Variants in USP6NL observed in about 807,000 individuals in gnomAD.
The protein encoded by USP6NL is USP6 N-terminal-like protein.
A neutral mutation model predicts 61.9 loss-of-function variants in USP6NL; 26 were observed. The observed-to-expected ratio is 0.42, with a 90% CI of 0.31 to 0.58. The LOEUF is 0.58. Among genes scored for constraint, USP6NL ranks in the 20% least tolerant of loss-of-function variants. The pLI, the probability that USP6NL is intolerant of heterozygous loss-of-function variation, is 0.16. For synonymous variants in USP6NL, 432 were observed against 390.1 expected, an observed-to-expected ratio of 1.11 and a Z score of -1.27; for missense variants, 1,114 against 1,034.3, an observed-to-expected ratio of 1.08 and a Z score of -1.06.
intron 1 of USP6NL, among the ~76,000 whole-genome samples, chr10:11,608,724 CA>C (rs1336902733): frequency 2.0e-5 from 3 of 152,210 alleles, no homozygotes; most frequent in Non-Finnish European, 4.4e-5. Flanking sequence ...CTGGGGTACA[CA>C]GAAGGCACTC....
At chr10:11,472,120 A>G (rs1832777105) in intron 14 of USP6NL, among the ~76,000 whole-genome samples, 2 of 152,216 alleles carry the variant, frequency 1.3e-5, no homozygotes, top group South Asian at 4.1e-4. Flanking sequence ...CGGCAGTGCT[A>G]ACAATTAGAA....
chr10:11,587,188 T>C lies in USP6NL; in HGVS notation c.4+10443A>G. On this transcript the variant is annotated intron_variant, in intron 2 of 14. Coordinates refer to ENST00000609104, the MANE Select transcript of USP6NL (RefSeq NM_014688.5). This position sits in a 1 kb window ranked among gnomAD's most constrained non-coding sequence, Gnocchi z 4.5. ...AGTACATATGTAGGGGCTCATTAAG[T>C]ATCTGTTTATACTAAAATTAAAACA... 6.6e-6 allele frequency among the ~76,000 whole-genome samples: 1 copy of C among 152,222 alleles called. No individual in the cohort carries two copies. The highest frequency in any genetic ancestry group is 1.9e-4 in the East Asian group (1 of 5,202).
At chr10:11,605,117 C>T (rs1175505984) in intron 1 of USP6NL, among the ~76,000 whole-genome samples, 1 of 152,150 alleles carries the variant, frequency 6.6e-6, no homozygotes, top group Non-Finnish European at 1.5e-5. Context: ...AAATTACCAG[C>T]CACCATCCGA....
In USP6NL at chr10:11,599,038, A is replaced by G. The variant is rs144440372; in HGVS notation, c.-83-1321T>C. On this transcript the variant is annotated intron_variant, in intron 1 of 14. Coordinates refer to ENST00000609104, the MANE Select transcript of USP6NL (RefSeq NM_014688.5). ...CCAAAGGAAGTGAGAAGTTGTATGG[A>G]AAATCTAAAACATATAACCCACATG... Among the ~76,000 whole-genome samples, 78 of 152,364 alleles carry G rather than the reference A, an allele frequency of 5.1e-4. No homozygotes were observed. In the East Asian group the frequency reaches 0.014, roughly 27 times the overall value.
rs1833191231 is a variant in USP6NL at position 11,481,356 on chromosome 10, T to C, written c.1078+414A>G. On this transcript the variant is annotated intron_variant, in intron 14 of 14. Coordinates refer to ENST00000609104, the MANE Select transcript of USP6NL (RefSeq NM_014688.5). This position sits in a 1 kb window ranked among gnomAD's most constrained non-coding sequence, Gnocchi z 4.4. ...TTTAAGCCACTTAGGCACTAAAGTA[T>C]CAATTTCCTCATCTATAAGATGGGG... 6.6e-6 allele frequency among the ~76,000 whole-genome samples: 1 copy of C among 152,228 alleles called. No homozygotes were observed. The highest frequency in any genetic ancestry group is 1.5e-5 in the Non-Finnish European group (1 of 68,040).
chr10:11,594,381 A>T (rs1388905949), intron 2 of USP6NL, among the ~76,000 whole-genome samples: 1 of 152,232 alleles, frequency 6.6e-6, no homozygotes, highest in Non-Finnish European at 1.5e-5. Context: ...CAATCTTTTT[A>T]ACCGACATCT....
chr10:11,582,026 G>A (rs887536852), intron 2 of USP6NL, among the ~76,000 whole-genome samples: 2 of 152,030 alleles, frequency 1.3e-5, no homozygotes, highest in Admixed American at 6.5e-5. Context: ...GTGCTGTGGC[G>A]TGATCTCGGC....
Position 11,562,636 on chromosome 10 carries a change from CTA to C in USP6NL, c.4+34993_4+34994del. Reference sequence around the variant, plus strand: ...TGTAATTCTAACACTGAACAGTCCTCTAATTATTTGTGACACTCAACATTCAT... The same window carrying C: ...TGTAATTCTAACACTGAACAGTCCTCATTATTTGTGACACTCAACATTCAT... On this transcript the variant is annotated intron_variant, in intron 2 of 14. Coordinates refer to ENST00000609104, the MANE Select transcript of USP6NL (RefSeq NM_014688.5). The surrounding 1 kb of genome is among the most constrained non-coding windows in gnomAD (Gnocchi z 4.8). 1.0e-6 allele frequency: 1 copy of C among 985,402 alleles called. No homozygotes were observed. Among genetic ancestry groups the C allele is most frequent in the Non-Finnish European group, 1.2e-6 (1 of 829,930 alleles). The allele number at this position is 985,402 out of a possible 1,614,324, so 61.0% of individuals were successfully genotyped here. A position where few individuals can be genotyped will look rare whatever the true frequency, so the allele number is the denominator to read the frequency against.
chr10:11,581,468 C>A (rs1303036603), intron 2 of USP6NL, among the ~76,000 whole-genome samples: 5 of 152,182 alleles, frequency 3.3e-5, no homozygotes, highest in African/African-American at 1.2e-4. Context: ...ATGATTCAGA[C>A]TTTTTTTAAC....
rs1363851318 is a variant in USP6NL, at chr10:11,592,148, A to G, written c.4+5483T>C. The stretch of plus-strand genomic sequence containing the variant: ...CAGCCTCCCAAAGTATTGGCATTAC[A>G]GCCGTGAGCCACCACACTCGGCCTC... On this transcript the variant is annotated intron_variant, in intron 2 of 14. Coordinates refer to ENST00000609104, the MANE Select transcript of USP6NL (RefSeq NM_014688.5). The surrounding 1 kb of genome is among the most constrained non-coding windows in gnomAD (Gnocchi z 4.7). Among the ~76,000 whole-genome samples the G allele has an allele frequency of 6.6e-6, 1 of 152,232 alleles. No homozygotes were observed. Among genetic ancestry groups the G allele is most frequent in the African/African-American group, 2.4e-5 (1 of 41,456 alleles).
chr10:11,485,146 G>A lies in USP6NL; in HGVS notation c.825+23C>T. ...ACCTTGTATTTATAATTTTATGACT[G>A]AGTTTTGTAAATAAATACTTACACG... On this transcript the variant is annotated intron_variant, in intron 12 of 14. Coordinates refer to ENST00000609104, the MANE Select transcript of USP6NL (RefSeq NM_014688.5). The surrounding 1 kb of genome is among the most constrained non-coding windows in gnomAD (Gnocchi z 4.8). 1.3e-6 allele frequency: 2 copies of A among 1,537,954 alleles called. No individual in the cohort carries two copies. The highest frequency in any genetic ancestry group is 1.7e-6 in the Non-Finnish European group (2 of 1,143,014).
chr10:11,544,548 C>A (rs1836201914), intron 2 of USP6NL, among the ~76,000 whole-genome samples: 2 of 152,146 alleles, frequency 1.3e-5, no homozygotes, highest in Admixed American at 6.5e-5. Context: ...AGTGCAGTTG[C>A]ACGATCTCGG....
intron 8 of USP6NL, among the ~76,000 whole-genome samples, chr10:11,492,117 T>G (rs1833730381): frequency 6.6e-6 from 1 of 152,204 alleles, no homozygotes; most frequent in Non-Finnish European, 1.5e-5. Flanking sequence ...TCCCAAAGAC[T>G]TGGCATCCTC....
intron 5 of USP6NL, among the ~76,000 whole-genome samples, chr10:11,517,791 C>T (rs1468257992): frequency 1.3e-5 from 2 of 152,146 alleles, no homozygotes; most frequent in East Asian, 3.9e-4. Flanking sequence ...ACCTTCATTA[C>T]CTGAAATTCA....
intron 5 of USP6NL, among the ~76,000 whole-genome samples, chr10:11,517,809 G>A (rs1835020345): frequency 6.6e-6 from 1 of 152,098 alleles, no homozygotes; most frequent in African/African-American, 2.4e-5. Flanking sequence ...TCAGCCCCTT[G>A]TCCTCATCAA....
At chr10:11,480,831 A>G (rs1229217282) in intron 14 of USP6NL, among the ~76,000 whole-genome samples, 2 of 152,222 alleles carry the variant, frequency 1.3e-5, no homozygotes, top group Non-Finnish European at 2.9e-5. Flanking sequence ...TCTCTTGCCC[A>G]TGACCTTCCA....
intron 2 of USP6NL, among the ~76,000 whole-genome samples, chr10:11,571,435 G>A (rs1837357491): frequency 6.6e-6 from 1 of 152,010 alleles, no homozygotes; most frequent in South Asian, 2.1e-4. Context: ...GCATAAGTTT[G>A]TTTCTATCGC....
At position 11,596,051 on chromosome 10, in the gene USP6NL, T is replaced by C. The variant is rs1404353480; in HGVS notation, c.4+1580A>G. On this transcript the variant is annotated intron_variant, in intron 2 of 14. Coordinates refer to ENST00000609104, the MANE Select transcript of USP6NL (RefSeq NM_014688.5). This position sits in a 1 kb window ranked among gnomAD's most constrained non-coding sequence, Gnocchi z 4.1. ...GATCTTTGTTTTCTAGGGTAAGCAG[T>C]ATACAAGACACCATCAAACACCGAA... is the stretch of plus-strand genomic sequence containing the variant. 1.3e-5 allele frequency among the ~76,000 whole-genome samples: 2 copies of C among 152,150 alleles called. No individual in the cohort carries two copies. The highest frequency in any genetic ancestry group is 2.1e-4 in the South Asian group (1 of 4,828).
Position 11,474,961 on chromosome 10 carries a change from T to C in USP6NL, c.1078+6809A>G, listed in dbSNP as rs17150406. On this transcript the variant is annotated intron_variant, in intron 14 of 14. Coordinates refer to ENST00000609104, the MANE Select transcript of USP6NL (RefSeq NM_014688.5). The surrounding 1 kb of genome is among the most constrained non-coding windows in gnomAD (Gnocchi z 4.9). Reference sequence around the variant, plus strand: ...AAGCACTGAAGTACCCCGAAGGCTATGGCCATTTACCAAGACTAAAATGGC... The same window carrying C: ...AAGCACTGAAGTACCCCGAAGGCTACGGCCATTTACCAAGACTAAAATGGC... Among the ~76,000 whole-genome samples, 5,332 of 152,270 alleles carry C rather than the reference T, an allele frequency of 0.035. 260 individuals carry two copies. The highest frequency in any genetic ancestry group is 0.1 in the African/African-American group (4,348 of 41,528).
Sources: allele counts gnomAD v4.1 joint callset (sites outside exome capture counted in the v4.1 genomes callset), GRCh38; gene constraint gnomAD v4.1.1; non-coding constraint Gnocchi (gnomAD v3.1); transcripts MANE v1.5; gene names NCBI Gene and HGNC (gene_info 2026-07-23, HGNC 2026-07-21).